GPC6: variants seen among roughly 807,000 people sequenced by gnomAD.
The protein encoded by GPC6 is glypican-6.
A neutral mutation model predicts 55.2 loss-of-function variants in GPC6; 14 were observed. That is an observed-to-expected ratio of 0.25 (90% confidence interval 0.17 to 0.40). GPC6 has a LOEUF of 0.40. GPC6 is among the 10% of genes least tolerant of loss of function. The pLI, the probability that GPC6 is intolerant of heterozygous loss-of-function variation, is 1.00. For missense variants in GPC6, 641 were observed against 708.5 expected, an observed-to-expected ratio of 0.90 and a Z score of 1.08; for synonymous variants, 278 against 259.6, an observed-to-expected ratio of 1.07 and a Z score of -0.68.
At chr13:93,764,791 A>G (rs1414619677) in intron 2 of GPC6, among the ~76,000 whole-genome samples, 4 of 151,844 alleles carry the variant, frequency 2.6e-5, no homozygotes, top group East Asian at 1.9e-4. Flanking sequence ...AAACTAATAC[A>G]ATGTTTTTAT....
chr13:94,110,774 C>T (rs533863449), intron 4 of GPC6, among the ~76,000 whole-genome samples: 41 of 152,170 alleles, frequency 2.7e-4, no homozygotes, highest in African/African-American at 9.9e-4. Context: ...AGTGAAAATA[C>T]TAGCAGAAAA....
At chr13:94,008,512 C>T (rs566667822) in intron 3 of GPC6, among the ~76,000 whole-genome samples, 120 of 152,184 alleles carry the variant, frequency 7.9e-4, no homozygotes, top group Admixed American at 2.1e-3. Flanking sequence ...ATTAGCTAGG[C>T]GTGTTGGCAC....
rs749739006 is a variant in GPC6, at chr13:94,403,230, G to A, written c.*13G>A. On this transcript the variant is annotated 3_prime_UTR_variant, in exon 9 of 9. Coordinates refer to ENST00000377047, the MANE Select transcript of GPC6 (RefSeq NM_005708.5). ...ACTGTGCAGATAATCTTGGGTTTTT[G>A]GTCAGATGAAACTGCATTTTAGCTA... 6.3e-7 allele frequency: 1 copy of A among 1,596,098 alleles called. No homozygotes were observed. The highest frequency in any genetic ancestry group is 8.6e-7 in the Non-Finnish European group (1 of 1,164,414).
At chr13:93,470,561 G>T (rs1362337288) in intron 1 of GPC6, among the ~76,000 whole-genome samples, 1 of 152,006 alleles carries the variant, frequency 6.6e-6, no homozygotes, top group Non-Finnish European at 1.5e-5. Context: ...GTGAATGAGG[G>T]ATATTAGAAT....
At chr13:93,460,265 T>TG (rs5805806) in intron 1 of GPC6, among the ~76,000 whole-genome samples, 3,117 of 152,298 alleles carry the variant, frequency 0.02, 113 homozygotes, top group African/African-American at 0.071. Flanking sequence ...GTTTTTTGAC[T>TG]GGATAAATGG....
At chr13:93,979,872 C>G (rs1002378827) in intron 3 of GPC6, among the ~76,000 whole-genome samples, 3 of 152,042 alleles carry the variant, frequency 2.0e-5, no homozygotes, top group Non-Finnish European at 4.4e-5. Context: ...ATAGACCAGA[C>G]CTTTCAGAAA....
intron 1 of GPC6, among the ~76,000 whole-genome samples, chr13:93,511,453 T>TC (rs1391910345): frequency 1.6e-4 from 1 of 6,378 alleles, no homozygotes; most frequent in Non-Finnish European, 2.3e-3. Flanking sequence ...CCAATATAAA[T>TC]TTTTTTGGCT....
At chr13:93,686,399 G>A (rs1164039602) in intron 2 of GPC6, among the ~76,000 whole-genome samples, 2 of 151,926 alleles carry the variant, frequency 1.3e-5, no homozygotes, top group East Asian at 3.9e-4. Context: ...ATATCCTTTG[G>A]CTGTCTTGAG....
At chr13:94,313,671 A>T (rs144112425) in intron 6 of GPC6, among the ~76,000 whole-genome samples, 1 of 152,294 alleles carries the variant, frequency 6.6e-6, no homozygotes, top group Non-Finnish European at 1.5e-5. Flanking sequence ...CATGTTTTGG[A>T]AGGGGAACAA....
At chr13:94,149,183 G>A (rs1270184232) in intron 4 of GPC6, among the ~76,000 whole-genome samples, 1 of 152,002 alleles carries the variant, frequency 6.6e-6, no homozygotes, top group Non-Finnish European at 1.5e-5. Context: ...CCAAATCCAT[G>A]GACAGTGTAA....
chr13:93,698,314 A>G (rs138580718), intron 2 of GPC6, among the ~76,000 whole-genome samples: 205 of 152,254 alleles, frequency 1.3e-3, no homozygotes, highest in African/African-American at 4.8e-3. Context: ...GTCATTAAGC[A>G]TTCTTCGTTG....
chr13:93,956,955 G>A (rs1369261738), intron 3 of GPC6, among the ~76,000 whole-genome samples: 1 of 152,096 alleles, frequency 6.6e-6, no homozygotes, highest in Non-Finnish European at 1.5e-5. Context: ...GAAAACTATT[G>A]TACAAATTAC....
intron 1 of GPC6, among the ~76,000 whole-genome samples, chr13:93,520,843 A>T (rs1443527672): frequency 5.3e-5 from 2 of 37,710 alleles, no homozygotes; most frequent in African/African-American, 1.3e-4. Context: ...ATATACTTAT[A>T]GACAAACTAT....
chr13:94,187,684 A>G (rs1889251168), intron 4 of GPC6, among the ~76,000 whole-genome samples: 1 of 152,200 alleles, frequency 6.6e-6, no homozygotes, highest in Non-Finnish European at 1.5e-5. Context: ...CAGTGAACAA[A>G]TAGGCAAAAC....
intron 3 of GPC6, among the ~76,000 whole-genome samples, chr13:94,002,568 G>A (rs1881851899): frequency 6.6e-6 from 1 of 152,040 alleles, no homozygotes; most frequent in African/African-American, 2.4e-5. Flanking sequence ...ATAGTAGAGA[G>A]ACACACTTAA....
At chr13:93,486,335 G>A (rs1311799096) in intron 1 of GPC6, among the ~76,000 whole-genome samples, 2 of 152,122 alleles carry the variant, frequency 1.3e-5, no homozygotes, top group African/African-American at 4.8e-5. Flanking sequence ...AATGTTCATG[G>A]CCTGCAGTGG....
At chr13:93,716,887 T>A (rs1883269510) in intron 2 of GPC6, among the ~76,000 whole-genome samples, 1 of 151,728 alleles carries the variant, frequency 6.6e-6, no homozygotes, top group South Asian at 2.1e-4. Flanking sequence ...TTTTATACCA[T>A]ATATTTACTG....
rs114045683 is a variant in GPC6, at chr13:94,228,241, A to G, written c.878-58108A>G. 5.6e-3 allele frequency among the ~76,000 whole-genome samples: 848 copies of G among 152,250 alleles called. 14 individuals carry two copies. The highest frequency in any genetic ancestry group is 0.019 in the African/African-American group (802 of 41,552). On this transcript the variant is annotated intron_variant, in intron 4 of 8. Transcript: ENST00000377047. ...GGACTGACCTACTCTGAGAGAATGCAGCATTCTCGGTCCTCTGACACCACT... is the reference window on the plus strand; with the variant it reads ...GGACTGACCTACTCTGAGAGAATGCGGCATTCTCGGTCCTCTGACACCACT...
chr13:93,895,818 C>G (rs529674805), intron 3 of GPC6, among the ~76,000 whole-genome samples: 1 of 152,092 alleles, frequency 6.6e-6, no homozygotes, highest in African/African-American at 2.4e-5. Flanking sequence ...TGTGCCCAAA[C>G]TTTTAAAATC....
Sources: gnomAD v4.1 joint callset for allele counts (sites outside exome capture counted in the v4.1 genomes callset) on GRCh38, gnomAD v4.1.1 for gene constraint, MANE v1.5 for transcripts, NCBI Gene and HGNC (gene_info 2026-07-23, HGNC 2026-07-21) for gene names.